The following SPIDR variants were observed in gnomAD, a reference collection of about 807,000 sequenced individuals.
SPIDR encodes the protein DNA repair-scaffolding protein.
In SPIDR, 93 loss-of-function variants were observed where a neutral mutation model predicts 104.6. That is an observed-to-expected ratio of 0.89 (90% confidence interval 0.75 to 1.06). The LOEUF is 1.06. Ranked by LOEUF, SPIDR falls within the 50% of genes least tolerant of loss-of-function variation. The pLI, the probability that SPIDR is intolerant of heterozygous loss-of-function variation, is 0.00. For missense variants in SPIDR, 1,154 were observed against 1,111.2 expected (o/e 1.04, Z -0.55); for synonymous variants, 431 against 416.9 (o/e 1.03, Z -0.41).
At chr8:47,634,976 A>G (rs2067666647) in intron 10 of SPIDR, among the ~76,000 whole-genome samples, 1 of 152,186 alleles carries the variant, frequency 6.6e-6, no homozygotes, top group African/African-American at 2.4e-5. Flanking sequence ...CATTTGTATG[A>G]TCAAGTAACA....
At chr8:47,612,030 A>C (rs1422668596) in intron 10 of SPIDR, among the ~76,000 whole-genome samples, 1 of 152,174 alleles carries the variant, frequency 6.6e-6, no homozygotes, top group African/African-American at 2.4e-5. Flanking sequence ...CATAAGCGCA[A>C]GACCACCCTT....
chr8:47,691,804 A>G (rs1282824272), intron 11 of SPIDR, among the ~76,000 whole-genome samples: 2 of 152,174 alleles, frequency 1.3e-5, no homozygotes, highest in Admixed American at 6.5e-5. Flanking sequence ...CGGGGGTTAC[A>G]TGGAATTAGT....
intron 8 of SPIDR, among the ~76,000 whole-genome samples, chr8:47,460,711 C>T (rs1554712935): frequency 3.3e-5 from 5 of 151,970 alleles, no homozygotes; most frequent in African/African-American, 1.2e-4. Flanking sequence ...GGCTGTATAC[C>T]TTGGTGGCTT....
intron 8 of SPIDR, among the ~76,000 whole-genome samples, chr8:47,470,561 C>T (rs1290194026): frequency 2.6e-5 from 4 of 151,876 alleles, no homozygotes; most frequent in Non-Finnish European, 4.4e-5. Context: ...TGGTCAGTTA[C>T]GAGCTACCAC....
intron 16 of SPIDR, among the ~76,000 whole-genome samples, chr8:47,724,414 C>T (rs1042040754): frequency 2.0e-5 from 3 of 152,248 alleles, no homozygotes; most frequent in African/African-American, 7.2e-5. Flanking sequence ...GTCTGCCCAC[C>T]TCCATCAGAT....
intron 8 of SPIDR, among the ~76,000 whole-genome samples, chr8:47,554,574 T>C (rs1368183472): frequency 6.6e-6 from 1 of 152,250 alleles, no homozygotes; most frequent in Non-Finnish European, 1.5e-5. Context: ...AATCTCCTGG[T>C]GTGCCATTTG....
chr8:47,435,260 C>T (rs549033185), intron 7 of SPIDR, among the ~76,000 whole-genome samples: 3 of 152,208 alleles, frequency 2.0e-5, no homozygotes, highest in Admixed American at 1.3e-4. Context: ...GCTGTCCTCC[C>T]GCCCTGGCTT....
At chr8:47,525,570 G>A (rs1195324425) in intron 8 of SPIDR, among the ~76,000 whole-genome samples, 1 of 144,016 alleles carries the variant, frequency 6.9e-6, no homozygotes, top group African/African-American at 2.4e-5. Context: ...GGAGGCCAGG[G>A]TGGGCGGATC....
Position 47,460,507 on chromosome 8 carries a change from C to T in SPIDR, c.1097+19965C>T, listed in dbSNP as rs568891367. 5.9e-5 allele frequency among the ~76,000 whole-genome samples: 9 copies of T among 152,258 alleles called. No homozygotes were observed. In the South Asian group the frequency reaches 1.0e-3, roughly 18 times the overall value. On this transcript the variant is annotated intron_variant, in intron 8 of 19. Transcript: ENST00000297423. ...CCTGCTCAGTTTTGGTGTTCATTTG[C>T]GTGGGCTGTCTTTTTACACCCCTTT...
chr8:47,421,896 G>C (rs1482541237), intron 7 of SPIDR, among the ~76,000 whole-genome samples: 5 of 152,178 alleles, frequency 3.3e-5, no homozygotes, highest in Non-Finnish European at 5.9e-5. Context: ...TGATTGCCTG[G>C]GTATCAGCAG....
intron 8 of SPIDR, chr8:47,512,202 T>C: frequency 2.9e-6 from 1 of 340,214 alleles, no homozygotes; most frequent in Non-Finnish European, 5.5e-6. Flanking sequence ...AAAGCATCCT[T>C]GAGTGGGACT....
intron 8 of SPIDR, among the ~76,000 whole-genome samples, chr8:47,486,501 G>A (rs548233170): frequency 3.1e-4 from 47 of 152,040 alleles, no homozygotes; most frequent in African/African-American, 1.1e-3. Flanking sequence ...AATAGAGAAC[G>A]CCACAAAGAT....
intron 14 of SPIDR, among the ~76,000 whole-genome samples, chr8:47,703,061 ACACT>A (rs1324324299): frequency 6.6e-6 from 1 of 152,142 alleles, no homozygotes; most frequent in African/African-American, 2.4e-5. Flanking sequence ...TCAAGATCTG[ACACT>A]CACACCCCTC....
intron 6 of SPIDR, among the ~76,000 whole-genome samples, chr8:47,400,770 T>C (rs2061779329): frequency 6.6e-6 from 1 of 151,346 alleles, no homozygotes. Context: ...GTGTTGGTAA[T>C]AATAAAGCTA....
At chr8:47,338,626 G>A (rs1163903089) in intron 5 of SPIDR, among the ~76,000 whole-genome samples, 2 of 152,152 alleles carry the variant, frequency 1.3e-5, no homozygotes, top group Non-Finnish European at 2.9e-5. Flanking sequence ...TGGACACTTT[G>A]AAGAAAGTTC....
At chr8:47,322,383 A>G (rs1401322743) in intron 5 of SPIDR, among the ~76,000 whole-genome samples, 3 of 152,226 alleles carry the variant, frequency 2.0e-5, no homozygotes, top group Non-Finnish European at 4.4e-5. Flanking sequence ...CGAAACCACA[A>G]TGAGATACCA....
chr8:47,716,115 C>A (rs2082557011), intron 16 of SPIDR, among the ~76,000 whole-genome samples: 1 of 151,990 alleles, frequency 6.6e-6, no homozygotes, highest in South Asian at 2.1e-4. Context: ...CAGGCATGCA[C>A]CACCACACCT....
chr8:47,282,076 T>G (rs1335480600), intron 2 of SPIDR, among the ~76,000 whole-genome samples: 1 of 152,212 alleles, frequency 6.6e-6, no homozygotes, highest in Non-Finnish European at 1.5e-5. Context: ...GAAAGAAATC[T>G]TTTTCTTCTG....
intron 8 of SPIDR, among the ~76,000 whole-genome samples, chr8:47,467,354 C>T (rs142996074): frequency 1.2e-4 from 18 of 152,266 alleles, no homozygotes; most frequent in African/African-American, 4.3e-4. Context: ...TTCACCCCAT[C>T]TCATTCTATG....
Sources: gnomAD v4.1 joint callset for allele counts (sites outside exome capture counted in the v4.1 genomes callset) on GRCh38, gnomAD v4.1.1 for gene constraint, MANE v1.5 for transcripts, NCBI Gene and HGNC (gene_info 2026-07-23, HGNC 2026-07-21) for gene names.